Variants in PTPRT observed in about 807,000 individuals in gnomAD.
The protein encoded by PTPRT is protein tyrosine phosphatase receptor type T, also known as receptor-type tyrosine-protein phosphatase T.
Under a neutral mutation model 176.8 loss-of-function variants are expected in PTPRT, and 56 were observed. The observed-to-expected ratio is 0.32, with a 90% confidence interval of 0.26 to 0.40. PTPRT has a LOEUF of 0.40. PTPRT is among the 10% of genes least tolerant of loss of function. The probability of loss-of-function intolerance (pLI) is 1.00; values close to 1 mark genes in which losing one functional copy is unlikely to be tolerated. For synonymous variants in PTPRT, 783 were observed against 739.0 expected (o/e 1.06, Z -0.96); for missense variants, 1,540 against 1,908.2 (o/e 0.81, Z 3.60).
chr20:42,411,542 A>G (rs2059018458), intron 9 of PTPRT, among the ~76,000 whole-genome samples: 3 of 145,470 alleles, frequency 2.1e-5, no homozygotes, highest in East Asian at 2.0e-4. Context: ...AAAAAAAAAG[A>G]AAAAAGAAAA....
At chr20:42,507,802 G>C (rs2071874157) in intron 7 of PTPRT, among the ~76,000 whole-genome samples, 1 of 151,668 alleles carries the variant, frequency 6.6e-6, no homozygotes, top group Admixed American at 6.6e-5. Flanking sequence ...CAGAAGGCCA[G>C]GGTAGCCGGT....
intron 15 of PTPRT, among the ~76,000 whole-genome samples, chr20:42,214,621 C>T (rs1472918024): frequency 6.6e-6 from 1 of 152,228 alleles, no homozygotes; most frequent in African/African-American, 2.4e-5. Context: ...CTCTATCTGT[C>T]TATCTCTGCT....
At chr20:42,489,201 C>T (rs1352507601) in intron 7 of PTPRT, among the ~76,000 whole-genome samples, 1 of 151,936 alleles carries the variant, frequency 6.6e-6, no homozygotes, top group Admixed American at 6.6e-5. Context: ...AAATGTCTCC[C>T]TAATGGTAGA....
At chr20:42,287,327 C>G (rs760613877) in intron 12 of PTPRT, among the ~76,000 whole-genome samples, 2 of 151,858 alleles carry the variant, frequency 1.3e-5, no homozygotes, top group Non-Finnish European at 2.9e-5. Context: ...GACAGGCAAT[C>G]AAACTAGGTG....
At chr20:42,447,709 G>A (rs1054447322) in intron 9 of PTPRT, among the ~76,000 whole-genome samples, 1 of 152,130 alleles carries the variant, frequency 6.6e-6, no homozygotes, top group Non-Finnish European at 1.5e-5. Context: ...CCCAGCTAAT[G>A]CTTGGAATGG....
At chr20:43,091,193 A>G (rs760385049) in intron 1 of PTPRT, among the ~76,000 whole-genome samples, 4 of 152,236 alleles carry the variant, frequency 2.6e-5, no homozygotes, top group Non-Finnish European at 5.9e-5. Flanking sequence ...AGATGGCGCC[A>G]CTGCACTCCA....
chr20:42,199,451 G>C, intron 15 of PTPRT, 63 bp from the exon 16 acceptor site: 1 of 1,546,692 alleles, frequency 6.5e-7, no homozygotes. Context: ...TTAAAGCATT[G>C]GGTAGATTGT....
At position 42,835,061 on chromosome 20, in the gene PTPRT, T is replaced by G. The variant is rs149556450; in HGVS notation, c.215-43595A>C. 9.1e-4 allele frequency among the ~76,000 whole-genome samples: 139 copies of G among 152,256 alleles called. 5 individuals are homozygous for G. The East Asian group carries it at 0.023, about 26-fold the overall frequency. On this transcript the variant is annotated intron_variant, in intron 2 of 30. Transcript: ENST00000373187. ...AAACCCCACACAAAAAAAGAACTCA[T>G]GGGACCTAGAAAAAGGAGAGAGGTA...
Position 43,088,336 on chromosome 20 carries a change from GT to G in PTPRT, c.88+101309del, listed in dbSNP as rs1568777484. 5.1e-3 allele frequency among the ~76,000 whole-genome samples: 77 copies of G among 15,152 alleles called. No individual in the cohort carries two copies. In the South Asian group the frequency reaches 0.084, roughly 17 times the overall value. 9.9% of individuals were successfully genotyped at this position (15,152 alleles called of 152,430 possible). On this transcript the variant is annotated intron_variant, in intron 1 of 30. Coordinates refer to ENST00000373187, the MANE Select transcript of PTPRT (RefSeq NM_007050.6). ...GTTAGGTTTTGTTTTGCTTTGGGGT[GT>G]GTGTGTGTGTGTGTGTGTGTGTGTG... is the stretch of plus-strand genomic sequence containing the variant.
intron 15 of PTPRT, 74 bp downstream of exon 15, chr20:42,236,151 CTTGG>C: frequency 6.3e-6 from 8 of 1,270,424 alleles, no homozygotes; most frequent in African/African-American, 1.5e-5. Flanking sequence ...CTAACAGACA[CTTGG>C]TTGGTGCAGG....
At chr20:42,499,172 T>A (rs903803909) in intron 7 of PTPRT, among the ~76,000 whole-genome samples, 2 of 151,730 alleles carry the variant, frequency 1.3e-5, no homozygotes, top group African/African-American at 4.9e-5. Context: ...TAGTACATAC[T>A]GTACTACTGT....
intron 2 of PTPRT, among the ~76,000 whole-genome samples, chr20:42,823,021 G>A (rs1222946016): frequency 6.6e-6 from 1 of 152,120 alleles, no homozygotes; most frequent in Admixed American, 6.5e-5. Flanking sequence ...ATTTGACCCA[G>A]CAATCCCATT....
At chr20:42,999,251 C>T (rs1984393642) in intron 1 of PTPRT, among the ~76,000 whole-genome samples, 1 of 152,122 alleles carries the variant, frequency 6.6e-6, no homozygotes, top group Non-Finnish European at 1.5e-5. Flanking sequence ...CACACATACA[C>T]AAAGAGACAA....
intron 9 of PTPRT, among the ~76,000 whole-genome samples, chr20:42,361,159 C>A (rs566478970): frequency 1.3e-5 from 2 of 152,210 alleles, no homozygotes; most frequent in South Asian, 4.2e-4. Context: ...TGTAGAGGGT[C>A]TGTCTGAGCC....
chr20:42,888,594 C>T (rs1372186707), intron 1 of PTPRT, among the ~76,000 whole-genome samples: 1 of 152,166 alleles, frequency 6.6e-6, no homozygotes, highest in Non-Finnish European at 1.5e-5. Context: ...AGCTGTAGAG[C>T]CCATGCCCAT....
At chr20:42,048,684 A>G in the PTPRT span, among the ~76,000 whole-genome samples, 1 of 152,306 alleles carries the variant, frequency 6.6e-6, no homozygotes, top group Non-Finnish European at 1.5e-5. Flanking sequence ...AAGTCCTCCC[A>G]GTCATCCAGT....
intron 1 of PTPRT, among the ~76,000 whole-genome samples, chr20:43,056,373 C>T (rs1987232991): frequency 6.6e-6 from 1 of 152,224 alleles, no homozygotes; most frequent in Non-Finnish European, 1.5e-5. Context: ...TATGAAAGTG[C>T]TGTATGATGC....
At chr20:42,974,449 C>T (rs546375359) in intron 1 of PTPRT, among the ~76,000 whole-genome samples, 10 of 152,090 alleles carry the variant, frequency 6.6e-5, no homozygotes, top group Non-Finnish European at 1.2e-4. Flanking sequence ...TCTCTGTAAA[C>T]GCATCATACC....
At chr20:42,387,850 G>A (rs2058759433) in intron 9 of PTPRT, among the ~76,000 whole-genome samples, 1 of 148,412 alleles carries the variant, frequency 6.7e-6, no homozygotes, top group Admixed American at 6.7e-5. Flanking sequence ...GCAGTGCAAT[G>A]GCGCAATCTT....
Sources: gnomAD v4.1 joint callset for allele counts (sites outside exome capture counted in the v4.1 genomes callset) on GRCh38, gnomAD v4.1.1 for gene constraint, MANE v1.5 for transcripts, NCBI Gene and HGNC (gene_info 2026-07-23, HGNC 2026-07-21) for gene names.